DNAH5: variants seen among roughly 807,000 people sequenced by gnomAD.
DNAH5 encodes the protein axonemal beta dynein heavy chain 5.
DNAH5 carries 372 observed loss-of-function variants against 518.2 expected under a neutral mutation model. The ratio of observed to expected loss-of-function variants is 0.72; its 90% CI spans 0.66 to 0.78. The LOEUF (loss-of-function observed/expected upper bound fraction) is 0.78. DNAH5 is among the 30% of genes least tolerant of loss of function. DNAH5 has a pLI of 0.00. For missense variants in DNAH5, 5,523 were observed against 5,687.0 expected (o/e 0.97, Z 0.93); for synonymous variants, 2,039 against 2,025.9 (o/e 1.01, Z -0.17).
intron 1 of DNAH5, among the ~76,000 whole-genome samples, chr5:13,956,171 G>A (rs1356662452): frequency 5.3e-5 from 8 of 152,032 alleles, no homozygotes; most frequent in Admixed American, 3.3e-4. Context: ...CATTCTTCCC[G>A]AATCTTATGA....
chr5:13,774,633 G>A (rs6863848), intron 55 of DNAH5, among the ~76,000 whole-genome samples: 47,405 of 151,946 alleles, frequency 0.31, 7,828 homozygotes, highest in Non-Finnish European at 0.37. Context: ...TGTACGTTCC[G>A]AATAAATGAA....
rs139085278 is a variant in DNAH5, at chr5:14,005,046, G to A, written c.12+6602C>T. Among the ~76,000 whole-genome samples the A allele has an allele frequency of 6.6e-5, 10 of 152,086 alleles. No homozygotes were observed. In the East Asian group the frequency reaches 1.9e-3, roughly 29 times the overall value. ...AACTCAGCACACGAGCCTCTTCATG[G>A]TGGGACTTGAAAGTCCCTCTGCAGC... On this transcript the variant is annotated intron_variant, in intron 1 of 78. Transcript: ENST00000681290.
intron 17 of DNAH5, 24 bp downstream of exon 17, chr5:13,890,951 CA>C (rs370205604): frequency 8.1e-6 from 13 of 1,612,700 alleles, no homozygotes; most frequent in Admixed American, 5.0e-5. Flanking sequence ...AAACCTTAAA[CA>C]AAAAAAATCA....
Position 13,793,996 on chromosome 5 carries a change from C to T in DNAH5, c.7950G>A (p.Lys2650=), listed in dbSNP as rs1229236281. 8 of 1,614,082 alleles carry T rather than the reference C, an allele frequency of 5.0e-6. No individual in the cohort carries two copies. The highest frequency in any genetic ancestry group is 6.8e-6 in the Non-Finnish European group (8 of 1,179,990). Reference sequence around the variant, plus strand: ...CATCATCAATAAAAACAGTCATCTTCTTTCCCGCAGGAGGGCCATATGTTG... The same window carrying T: ...CATCATCAATAAAAACAGTCATCTTTTTTCCCGCAGGAGGGCCATATGTTG... ...MGTTYGPPAG[K]KMTVFIDDVN... The change falls in exon 48 of 79, where the codon AAG becomes AAA. Residue 2650 remains lysine (K), a synonymous_variant. Transcript: ENST00000265104.
At position 13,883,081 on chromosome 5, in the gene DNAH5, G is replaced by C. The variant is rs760587023; in HGVS notation, c.2997C>G (p.Ala999=). The change falls in exon 20 of 79, where the codon GCC becomes GCG. Residue 999 remains alanine, a synonymous_variant. Transcript: ENST00000265104. The part of the protein sequence containing the change: ...HTINFRDSNS[A]SNMKQNSLPI... ...GCAAACTGTTCTGCTTCATGTTAGA[G>C]GCACTGTTACTGTCTGAGTTAACCC... 6.8e-6 allele frequency: 11 copies of C among 1,613,800 alleles called. No individual in the cohort carries two copies. The highest frequency in any genetic ancestry group is 9.3e-6 in the Non-Finnish European group (11 of 1,180,032).
chr5:13,909,500 TG>T (rs1160373164), intron 12 of DNAH5, among the ~76,000 whole-genome samples: 11 of 152,068 alleles, frequency 7.2e-5, no homozygotes, highest in Admixed American at 4.6e-4. Flanking sequence ...GCCTCCTCTC[TG>T]AAGCCTTTCC....
At chr5:13,971,941 G>T (rs1010246915) in intron 1 of DNAH5, among the ~76,000 whole-genome samples, 6 of 152,122 alleles carry the variant, frequency 3.9e-5, no homozygotes, top group Admixed American at 6.5e-5. Flanking sequence ...ACCATCAGGT[G>T]GGGGGCAGTG....
intron 65 of DNAH5, among the ~76,000 whole-genome samples, chr5:13,748,187 G>T (rs1749676686): frequency 6.6e-6 from 1 of 152,144 alleles, no homozygotes; most frequent in African/African-American, 2.4e-5. Context: ...TCAGATAGTT[G>T]TAGATGTGTG....
chr5:13,952,178 A>C (rs1312160702), intron 1 of DNAH5, among the ~76,000 whole-genome samples: 1 of 152,202 alleles, frequency 6.6e-6, no homozygotes. Context: ...CGTTTATCAC[A>C]AATAAAAATC....
At position 13,717,497 on chromosome 5, in the gene DNAH5, C is replaced by A. The variant is rs148123430; in HGVS notation, c.12523G>T (p.Val4175Leu). Residue 4175 changes from valine (V) to leucine (L), a missense_variant, in exon 73 of 79, where the codon GTG (valine) becomes TTG (leucine). This residue lies in a region of DNAH5 where 5,121 missense variants were observed against 5,223.3 expected (regional missense o/e 0.98). Transcript: ENST00000265104. ...YSGVSQDLLD[V>L]SSGSQWKPML... ...GGCTTCCACTGGGACCCAGAGCTCA[C>A]GTCCAGCAGGTCTTGGCTGACACCT... The A allele has an allele frequency of 1.9e-6, 3 of 1,614,012 alleles. No homozygotes were observed. Among genetic ancestry groups the A allele is most frequent in the African/African-American group, 2.7e-5 (2 of 74,936 alleles).
intron 38 of DNAH5, among the ~76,000 whole-genome samples, 162 bp downstream of exon 38, chr5:13,829,348 A>AT (rs1580456284): frequency 6.6e-6 from 1 of 152,160 alleles, no homozygotes; most frequent in East Asian, 1.9e-4. Flanking sequence ...TTCTTAAAAA[A>AT]CTATGCATAT....
Position 13,810,107 on chromosome 5 carries a change from G to A in DNAH5, c.7561C>T (p.Pro2521Ser). ...AAGGCGGTGTCCCCGGGCCCCGCTG[G>A]CGGCGGCAGCTCCAGCGTCCCTGTG... is the stretch of plus-strand genomic sequence containing the variant. ...RPTGTLELPP[P>S]AGPGDTAFDY... The change falls in exon 45 of 79, where the codon CCA becomes TCA. Residue 2521 changes from proline (P) to serine (S), a missense_variant. Transcript: ENST00000265104. The A allele has an allele frequency of 1.3e-6, 2 of 1,551,210 alleles. No homozygotes were observed. The highest frequency in any genetic ancestry group is 2.4e-5 in the South Asian group (2 of 84,124).
chr5:13,789,505 G>A (rs1756612738), intron 50 of DNAH5, among the ~76,000 whole-genome samples: 1 of 152,162 alleles, frequency 6.6e-6, no homozygotes, highest in South Asian at 2.1e-4. Context: ...AATAACAAAT[G>A]TATGTGTAAG....
chr5:13,884,918 AC>A, intron 19 of DNAH5, 70 bp downstream of exon 19: 1 of 1,018,840 alleles, frequency 9.8e-7, no homozygotes, highest in East Asian at 6.2e-5. Context: ...ACACGTGCAC[AC>A]ACACACACAC....
Position 13,931,321 on chromosome 5 carries a change from T to C in DNAH5, c.58-77A>G, listed in dbSNP as rs981317550. On this transcript the variant is annotated intron_variant, in intron 1 of 78. Transcript: ENST00000265104. ...TTCATTTTGTAATAATTTCATACAA[T>C]TGTTGTTTTTTCAAGTCTTAGGTAT... 29 of 1,593,680 alleles carry C rather than the reference T, an allele frequency of 1.8e-5. No homozygotes were observed. The Middle Eastern group carries it at 7.1e-4, about 39-fold the overall frequency.
At chr5:13,771,205 C>T (rs1019818306) in intron 55 of DNAH5, 4 of 537,226 alleles carry the variant, frequency 7.4e-6, no homozygotes, top group Non-Finnish European at 1.3e-5. Flanking sequence ...AGCCTATCAA[C>T]ACTCTTTGTT....
chr5:13,903,581 T>TAATATTAAAAGATAGA, intron 12 of DNAH5, among the ~76,000 whole-genome samples: 1 of 151,996 alleles, frequency 6.6e-6, no homozygotes, highest in Non-Finnish European at 1.5e-5. Context: ...ATAGTAATAT[T>TAATATTAAAAGATAGA]AATATTAAAA....
rs36092508 is a variant in DNAH5, at chr5:13,769,247, GT to G, written c.9721-112del. On this transcript the variant is annotated intron_variant, in intron 57 of 78. Transcript: ENST00000265104. ...TTTTGTTCACTTACCCAGTTTTGTT[GT>G]TTTTTTTTTTTTTTTTTGAGATGGA... 0.28 allele frequency: 208,588 copies of G among 733,252 alleles called. 4,426 individuals are homozygous for G. Among genetic ancestry groups the G allele is most frequent in the Middle Eastern group, 0.32 (756 of 2,400 alleles). 45.4% of individuals were successfully genotyped at this position (733,252 alleles called of 1,614,324 possible).
At chr5:13,784,046 A>C (rs1755597509) in intron 52 of DNAH5, among the ~76,000 whole-genome samples, 1 of 152,174 alleles carries the variant, frequency 6.6e-6, no homozygotes, top group South Asian at 2.1e-4. Flanking sequence ...TCACACCCAA[A>C]GTGTTTCAAG....
Sources: allele counts gnomAD v4.1 joint callset (sites outside exome capture counted in the v4.1 genomes callset), GRCh38; gene constraint gnomAD v4.1.1; regional missense constraint gnomAD v4.1.1; transcripts MANE v1.5; gene names NCBI Gene and HGNC (gene_info 2026-07-23, HGNC 2026-07-21).